The following ITK variants were observed in gnomAD, a reference collection of about 807,000 sequenced individuals.
ITK encodes IL2 inducible T cell kinase.
ITK carries 45 observed loss-of-function variants against 87.6 expected under a neutral mutation model. The ratio of observed to expected loss-of-function variants is 0.51; its 90% CI spans 0.40 to 0.66. The LOEUF (loss-of-function observed/expected upper bound fraction) is 0.66. ITK is among the 30% of genes least tolerant of loss of function. The pLI, the probability that ITK is intolerant of heterozygous loss-of-function variation, is 0.00. For synonymous variants in ITK, 303 were observed against 273.6 expected (o/e 1.11, Z -1.06); for missense variants, 605 against 766.3 (o/e 0.79, Z 2.48).
At chr5:157,245,223 TAAAAA>T (rs139283977) in intron 13 of ITK, 3,071 of 161,290 alleles carry the variant, frequency 0.019, 2 homozygotes, top group South Asian at 0.068. Flanking sequence ...AGACTCCATC[TAAAAA>T]AAAAAAAAAA....
chr5:157,200,480 C>A (rs1240109838), intron 1 of ITK, among the ~76,000 whole-genome samples: 2 of 152,192 alleles, frequency 1.3e-5, no homozygotes, highest in East Asian at 1.9e-4. Context: ...TAGGCAATCA[C>A]CCTTTCCCAG....
At chr5:157,181,819 T>A (rs1374388043) in intron 1 of ITK, among the ~76,000 whole-genome samples, 1 of 152,208 alleles carries the variant, frequency 6.6e-6, no homozygotes, top group Non-Finnish European at 1.5e-5. Flanking sequence ...GCTAGGTCAG[T>A]CTATCTCTTT....
In ITK at chr5:157,252,966, A is replaced by C. The variant is rs2113779943; in HGVS notation, c.*288A>C. On this transcript the variant is annotated 3_prime_UTR_variant, in exon 17 of 17. Transcript: ENST00000422843. Reference sequence around the variant, plus strand: ...TGTGGTGCACAAACCTCAACCTGACAGCTTTCAGACAGCATTCTTGCACTT... The same window carrying C: ...TGTGGTGCACAAACCTCAACCTGACCGCTTTCAGACAGCATTCTTGCACTT... The C allele has an allele frequency of 2.0e-6, 1 of 493,536 alleles. No homozygotes were observed. The highest frequency in any genetic ancestry group is 3.7e-6 in the Non-Finnish European group (1 of 267,724). The allele number at this position is 493,536 out of a possible 1,614,324, so 30.6% of individuals were successfully genotyped here.
Position 157,254,805 on chromosome 5 carries a change from G to A in ITK, c.*2127G>A, listed in dbSNP as rs530611628. On this transcript the variant is annotated 3_prime_UTR_variant, in exon 17 of 17. Transcript: ENST00000422843. ...GGTTTAGAAAATTCCCCTGTGCATG[G>A]TATTACCTTTTTCAAGCTCAGATTC... 10 of 218,124 alleles carry A rather than the reference G, an allele frequency of 4.6e-5. No homozygotes were observed. The South Asian group carries it at 1.7e-3, about 36-fold the overall frequency. 13.5% of individuals were successfully genotyped at this position (218,124 alleles called of 1,614,324 possible). A position where few individuals can be genotyped will look rare whatever the true frequency, so the allele number is the denominator to read the frequency against.
At chr5:157,247,008 T>C (rs1260602663) in intron 15 of ITK, among the ~76,000 whole-genome samples, 3 of 152,198 alleles carry the variant, frequency 2.0e-5, no homozygotes, top group Non-Finnish European at 4.4e-5. Flanking sequence ...TGCAAAAAAA[T>C]ATACCAGACA....
rs1267529449 is a variant in ITK, at chr5:157,240,165, CTCA to C, written c.959_961del (p.Ile320del). 6.2e-7 allele frequency: 1 copy of C among 1,614,170 alleles called. No individual in the cohort carries two copies. Among genetic ancestry groups the C allele is most frequent in the Non-Finnish European group, 8.5e-7 (1 of 1,180,020 alleles). On this transcript the variant is annotated inframe_deletion, in exon 10 of 17. Transcript: ENST00000422843. Reference sequence around the variant, plus strand: ...GTATGTGTTCGATTCCATCCCTCTTCTCATCAACTATCACCAACATAATGGAGG... The same window carrying C: ...GTATGTGTTCGATTCCATCCCTCTTCTCAACTATCACCAACATAATGGAGG...
At chr5:157,198,751 A>C (rs1022420633) in intron 1 of ITK, among the ~76,000 whole-genome samples, 1 of 152,138 alleles carries the variant, frequency 6.6e-6, no homozygotes, top group Admixed American at 6.6e-5. Flanking sequence ...AGTAATGAGC[A>C]TATCTTTTTT....
At chr5:157,247,761 C>G (rs1036036480) in intron 15 of ITK, among the ~76,000 whole-genome samples, 2 of 152,158 alleles carry the variant, frequency 1.3e-5, no homozygotes, top group African/African-American at 4.8e-5. Flanking sequence ...CTGCATCAGC[C>G]CATTGGACTT....
chr5:157,211,312 A>C lies in ITK; in HGVS notation c.269A>C (p.Tyr90Ser). The C allele has an allele frequency of 6.2e-7, 1 of 1,613,866 alleles. No individual in the cohort carries two copies. The highest frequency in any genetic ancestry group is 8.5e-7 in the Non-Finnish European group (1 of 1,179,904). The stretch of plus-strand genomic sequence containing the variant: ...GTGGTGCATGACAACTACCTCCTAT[A>C]TGTGTTTGCTCCAGATCGTGAGAGC... ...FQVVHDNYLLYVFAPDRESRQ... is the reference protein window; with the variant it reads ...FQVVHDNYLLSVFAPDRESRQ... Residue 90 changes from tyrosine (Y) to serine (S), a missense_variant, in exon 3 of 17, where the codon TAT (tyrosine) becomes TCT (serine). Transcript: ENST00000422843.
At chr5:157,217,969 C>T in intron 5 of ITK, 62 bp downstream of exon 5, 2 of 1,384,174 alleles carry the variant, frequency 1.4e-6, no homozygotes, top group Non-Finnish European at 2.1e-6. Flanking sequence ...TGGCATGTTC[C>T]TATTTGCATG....
At chr5:157,228,434 T>A in intron 7 of ITK, 73 bp downstream of exon 7, 1 of 915,890 alleles carries the variant, frequency 1.1e-6, no homozygotes, top group Non-Finnish European at 1.8e-6. Flanking sequence ...AAATTATTGG[T>A]TGACTGTAAA....
intron 1 of ITK, among the ~76,000 whole-genome samples, chr5:157,186,866 C>T (rs748063718): frequency 6.6e-6 from 1 of 152,222 alleles, no homozygotes; most frequent in Non-Finnish European, 1.5e-5. Flanking sequence ...GCCACTTCAT[C>T]CTCCACATGG....
rs984493422 is a variant in ITK at position 157,254,936 on chromosome 5, C to A, written c.*2258C>A. On this transcript the variant is annotated 3_prime_UTR_variant, in exon 17 of 17. Coordinates refer to ENST00000422843, the MANE Select transcript of ITK (RefSeq NM_005546.4). ...TCTCTTCTCACATTTTTTAAATGGT[C>A]CCCTGTGTTTGTAGAGAACTCCCTT... 2.8e-5 allele frequency: 6 copies of A among 214,536 alleles called. No individual in the cohort carries two copies. The highest frequency in any genetic ancestry group is 5.6e-5 in the Non-Finnish European group (6 of 106,376). 13.3% of individuals were successfully genotyped at this position (214,536 alleles called of 1,614,324 possible).
chr5:157,218,194 AT>A (rs1754338674), intron 5 of ITK, among the ~76,000 whole-genome samples: 1 of 152,198 alleles, frequency 6.6e-6, no homozygotes, highest in Admixed American at 6.5e-5. Context: ...ACTTTGGAGT[AT>A]AGTAGCAGCT....
intron 16 of ITK, 152 bp downstream of exon 16, chr5:157,249,159 G>A: frequency 1.3e-6 from 1 of 741,228 alleles, no homozygotes; most frequent in South Asian, 1.5e-5. Flanking sequence ...CTGTTAACGG[G>A]ATAGATCCCC....
At chr5:157,189,552 A>G (rs1753711309) in intron 1 of ITK, among the ~76,000 whole-genome samples, 1 of 152,220 alleles carries the variant, frequency 6.6e-6, no homozygotes, top group South Asian at 2.1e-4. Flanking sequence ...GTGGTGGCAT[A>G]TGCCTGTAAT....
At chr5:157,205,809 A>G (rs1482987558) in intron 1 of ITK, among the ~76,000 whole-genome samples, 2 of 152,190 alleles carry the variant, frequency 1.3e-5, no homozygotes, top group African/African-American at 4.8e-5. Context: ...AGTTTTTAAC[A>G]TGAAGCAATG....
intron 10 of ITK, chr5:157,240,925 T>C (rs1363421065): frequency 6.9e-6 from 1 of 145,518 alleles, no homozygotes; most frequent in African/African-American, 2.6e-5. Flanking sequence ...TTCTTTTCCT[T>C]TCTTTTCTTT....
At chr5:157,229,773 G>A (rs371453136) in intron 7 of ITK, among the ~76,000 whole-genome samples, 3 of 152,150 alleles carry the variant, frequency 2.0e-5, no homozygotes, top group East Asian at 1.9e-4. Context: ...AATTATCCGG[G>A]TGTGATGGCA....
Sources: gnomAD v4.1 joint callset for allele counts (sites outside exome capture counted in the v4.1 genomes callset) on GRCh38, gnomAD v4.1.1 for gene constraint, MANE v1.5 for transcripts, NCBI Gene and HGNC (gene_info 2026-07-23, HGNC 2026-07-21) for gene names.